FSTL5: variants seen among roughly 807,000 people sequenced by gnomAD.
The protein encoded by FSTL5 is follistatin like 5.
FSTL5 carries 62 observed loss-of-function variants against 89.1 expected under a neutral mutation model. The ratio of observed to expected loss-of-function variants is 0.70; its 90% CI spans 0.57 to 0.86. The LOEUF is 0.86. FSTL5 is among the 40% of genes least tolerant of loss of function. The pLI, the probability that FSTL5 is intolerant of heterozygous loss-of-function variation, is 0.00. For missense variants in FSTL5, 1,057 were observed against 1,001.6 expected (o/e 1.06, Z -0.75); for synonymous variants, 383 against 346.2 (o/e 1.11, Z -1.18).
intron 6 of FSTL5, among the ~76,000 whole-genome samples, chr4:161,728,193 A>G (rs1384231291): frequency 6.6e-6 from 1 of 152,204 alleles, no homozygotes; most frequent in Non-Finnish European, 1.5e-5. Context: ...TTTTGAAGTT[A>G]TAAAATATCT....
chr4:161,847,800 G>C (rs113585142), intron 4 of FSTL5, among the ~76,000 whole-genome samples: 1,909 of 151,926 alleles, frequency 0.013, 36 homozygotes, highest in African/African-American at 0.042. Flanking sequence ...ACTTTGGGAG[G>C]CCAGGGCGGG....
chr4:161,642,186 AG>A (rs1363132980), intron 7 of FSTL5, among the ~76,000 whole-genome samples: 1 of 152,140 alleles, frequency 6.6e-6, no homozygotes, highest in Non-Finnish European at 1.5e-5. Flanking sequence ...GTGTGTGTGT[AG>A]TGAGAACACA....
chr4:161,610,597 A>G (rs1236269368), intron 7 of FSTL5, among the ~76,000 whole-genome samples: 3 of 152,124 alleles, frequency 2.0e-5, no homozygotes, highest in Non-Finnish European at 4.4e-5. Flanking sequence ...GAAAGTGGGG[A>G]GCATCATTTC....
Position 162,012,029 on chromosome 4 carries a change from T to C in FSTL5, c.160+21596A>G, listed in dbSNP as rs191280799. 9.8e-5 allele frequency among the ~76,000 whole-genome samples: 15 copies of C among 152,340 alleles called. No homozygotes were observed. In the East Asian group the frequency reaches 2.1e-3, roughly 22 times the overall value. On this transcript the variant is annotated intron_variant, in intron 3 of 15. Transcript: ENST00000306100. ...TGTATTTCATAATTGTATATTCTTATTATACCTAGGCAAGTACTTTGCACT... is the reference window on the plus strand; with the variant it reads ...TGTATTTCATAATTGTATATTCTTACTATACCTAGGCAAGTACTTTGCACT...
At chr4:161,947,920 T>G (rs2110942899) in intron 3 of FSTL5, among the ~76,000 whole-genome samples, 1 of 152,258 alleles carries the variant, frequency 6.6e-6, no homozygotes, top group South Asian at 2.1e-4. Context: ...TTTCTTATAT[T>G]TAGGTATTTG....
At chr4:161,894,186 A>G (rs1331910328) in intron 4 of FSTL5, among the ~76,000 whole-genome samples, 2 of 152,220 alleles carry the variant, frequency 1.3e-5, no homozygotes, top group East Asian at 1.9e-4. Flanking sequence ...GAGGTCATAC[A>G]GTAAGAGGTG....
chr4:161,704,244 TGCCTTTGTTTCGAGTTGTCCC>T (rs1230247488), intron 6 of FSTL5, among the ~76,000 whole-genome samples: 1 of 152,186 alleles, frequency 6.6e-6, no homozygotes, highest in Non-Finnish European at 1.5e-5. Flanking sequence ...CCAGTCTTCC[TGCCTTTGTTTCGAGTTGTCCC>T]GCCTTTCCAG....
At chr4:161,753,013 C>T (rs1270379605) in intron 6 of FSTL5, among the ~76,000 whole-genome samples, 1 of 152,118 alleles carries the variant, frequency 6.6e-6, no homozygotes, top group Non-Finnish European at 1.5e-5. Context: ...AAATAAATTT[C>T]CATTGTTGAA....
At chr4:161,399,753 T>C (rs890865067) in intron 15 of FSTL5, among the ~76,000 whole-genome samples, 1 of 152,110 alleles carries the variant, frequency 6.6e-6, no homozygotes, top group African/African-American at 2.4e-5. Context: ...ACTGCTCACG[T>C]GGAGTGGAGA....
chr4:162,081,923 A>T (rs769563327), intron 2 of FSTL5, among the ~76,000 whole-genome samples: 5 of 151,588 alleles, frequency 3.3e-5, no homozygotes, highest in Non-Finnish European at 5.9e-5. Flanking sequence ...ATCCTAATAA[A>T]ACATCTTAAA....
chr4:161,587,964 A>T (rs969921517), intron 7 of FSTL5, among the ~76,000 whole-genome samples: 1 of 152,144 alleles, frequency 6.6e-6, no homozygotes, highest in Non-Finnish European at 1.5e-5. Context: ...ACTTGATGTC[A>T]GGAGTTCAAG....
In FSTL5 at chr4:161,424,024, CTTTTTTTTTTTTTT is replaced by C. The variant is rs11287729; in HGVS notation, c.1841+30966_1841+30979del. Among the ~76,000 whole-genome samples, 3 of 75,380 alleles carry C rather than the reference CTTTTTTTTTTTTTT, an allele frequency of 4.0e-5. No homozygotes were observed. The East Asian group carries it at 1.2e-3, about 31-fold the overall frequency. 49.5% of individuals were successfully genotyped at this position (75,380 alleles called of 152,430 possible). A position where few individuals can be genotyped will look rare whatever the true frequency, so the allele number is the denominator to read the frequency against. ...GGTGCCTGCCAGCACGCCCATCATT[CTTTTTTTTTTTTTT>C]TTTTTTTTTTTTGTATTTTTAGTAG... On this transcript the variant is annotated intron_variant, in intron 15 of 15. Transcript: ENST00000306100.
intron 7 of FSTL5, among the ~76,000 whole-genome samples, chr4:161,622,908 G>T (rs1297628953): frequency 6.6e-6 from 1 of 151,890 alleles, no homozygotes; most frequent in Non-Finnish European, 1.5e-5. Context: ...AAGGACATCA[G>T]AACAATCTAT....
At chr4:161,463,616 T>C (rs1733652049) in intron 13 of FSTL5, among the ~76,000 whole-genome samples, 1 of 152,196 alleles carries the variant, frequency 6.6e-6, no homozygotes, top group South Asian at 2.1e-4. Flanking sequence ...AAATACCTGC[T>C]CGTATGCTCT....
At chr4:161,830,436 C>T (rs920472104) in intron 4 of FSTL5, among the ~76,000 whole-genome samples, 3 of 151,828 alleles carry the variant, frequency 2.0e-5, no homozygotes, top group African/African-American at 7.3e-5. Context: ...ACTTGCATTG[C>T]CTTGCTTAAA....
At chr4:161,700,851 A>G (rs1209321201) in intron 6 of FSTL5, among the ~76,000 whole-genome samples, 2 of 152,238 alleles carry the variant, frequency 1.3e-5, no homozygotes, top group Non-Finnish European at 2.9e-5. Flanking sequence ...AAATTACAAA[A>G]TCATTAAGAC....
chr4:161,834,782 C>T (rs1730976820), intron 4 of FSTL5, among the ~76,000 whole-genome samples: 2 of 152,084 alleles, frequency 1.3e-5, no homozygotes, highest in Admixed American at 1.3e-4. Context: ...CTACAAACCA[C>T]TGCTCGAGGA....
intron 13 of FSTL5, among the ~76,000 whole-genome samples, chr4:161,462,709 ATACTAC>A (rs147584442): frequency 2.2e-4 from 33 of 151,966 alleles, no homozygotes; most frequent in African/African-American, 7.7e-4. Flanking sequence ...AATACCACTC[ATACTAC>A]TACTACTACT....
At chr4:161,841,797 T>C (rs1353351182) in intron 4 of FSTL5, among the ~76,000 whole-genome samples, 1 of 152,208 alleles carries the variant, frequency 6.6e-6, no homozygotes, top group Non-Finnish European at 1.5e-5. Flanking sequence ...ATTAATATTT[T>C]ATTGTTTATT....
Sources: gnomAD v4.1 joint callset for allele counts (sites outside exome capture counted in the v4.1 genomes callset) on GRCh38, gnomAD v4.1.1 for gene constraint, MANE v1.5 for transcripts, NCBI Gene and HGNC (gene_info 2026-07-23, HGNC 2026-07-21) for gene names.